STIM2: variants seen among roughly 807,000 people sequenced by gnomAD.
The protein encoded by STIM2 is stromal interaction molecule 2.
In STIM2, 31 loss-of-function variants were observed where a neutral mutation model predicts 85.8. The observed-to-expected ratio is 0.36, with a 90% CI of 0.27 to 0.49. The LOEUF (loss-of-function observed/expected upper bound fraction) is 0.49. Ranked by LOEUF, STIM2 falls within the 20% of genes least tolerant of loss-of-function variation. The pLI is 0.98. For missense variants in STIM2, 841 were observed against 927.6 expected, an observed-to-expected ratio of 0.91 and a Z score of 1.21; for synonymous variants, 356 against 331.1, an observed-to-expected ratio of 1.08 and a Z score of -0.82.
In STIM2 at chr4:26,861,213, G is replaced by A. The variant is rs1484999371; in HGVS notation, c.-6G>A. On this transcript the variant is annotated 5_prime_UTR_variant, in exon 1 of 12. Transcript: ENST00000467087. ...CTGGCTGCTGCGGCGGCGGCGCTGG[G>A]CTGCGTTGCTGGTGCTCGGGCTGCT... 1.0e-5 allele frequency: 15 copies of A among 1,479,432 alleles called. No individual in the cohort carries two copies. The highest frequency in any genetic ancestry group is 1.3e-5 in the South Asian group (1 of 78,780). 91.6% of individuals were successfully genotyped at this position (1,479,432 alleles called of 1,614,324 possible).
chr4:26,887,183 CTTTT>C (rs34736602), intron 1 of STIM2, among the ~76,000 whole-genome samples: 1 of 70,940 alleles, frequency 1.4e-5, no homozygotes. Context: ...AATAATTAAA[CTTTT>C]TTTTTTTTTT....
At chr4:26,978,080 T>A (rs765513434) in intron 3 of STIM2, among the ~76,000 whole-genome samples, 5 of 152,000 alleles carry the variant, frequency 3.3e-5, no homozygotes, top group Non-Finnish European at 5.9e-5. Context: ...GGAGTAGAAG[T>A]AAAAGTCTTT....
At chr4:26,975,242 C>T (rs1242764634) in intron 3 of STIM2, among the ~76,000 whole-genome samples, 1 of 152,186 alleles carries the variant, frequency 6.6e-6, no homozygotes, top group Non-Finnish European at 1.5e-5. Flanking sequence ...CTACTTCTGT[C>T]AACTTGTCAC....
chr4:26,976,187 G>A (rs902841275), intron 3 of STIM2, among the ~76,000 whole-genome samples: 1 of 151,944 alleles, frequency 6.6e-6, no homozygotes, highest in Non-Finnish European at 1.5e-5. Flanking sequence ...GAAATCCCCC[G>A]ACCCCTTGCA....
intron 1 of STIM2, among the ~76,000 whole-genome samples, chr4:26,871,662 T>C (rs1458461533): frequency 2.0e-5 from 3 of 152,248 alleles, no homozygotes; most frequent in East Asian, 1.9e-4. Flanking sequence ...CATAGCATCT[T>C]ATATCTTGAA....
At chr4:26,932,820 T>C (rs1725252202) in intron 2 of STIM2, among the ~76,000 whole-genome samples, 1 of 152,208 alleles carries the variant, frequency 6.6e-6, no homozygotes, top group South Asian at 2.1e-4. Flanking sequence ...TTCAGCAGTC[T>C]TTTATTGAGC....
chr4:26,988,266 A>G (rs745759815), intron 3 of STIM2, among the ~76,000 whole-genome samples: 1 of 152,222 alleles, frequency 6.6e-6, no homozygotes, highest in Non-Finnish European at 1.5e-5. Flanking sequence ...GATAAATCCT[A>G]TGGCAGATAT....
intron 2 of STIM2, among the ~76,000 whole-genome samples, chr4:26,940,751 A>C (rs1177260919): frequency 6.6e-6 from 1 of 152,098 alleles, no homozygotes; most frequent in African/African-American, 2.4e-5. Context: ...AGAACATAAT[A>C]TTTTGCTATT....
chr4:26,952,013 G>C (rs995964620), intron 2 of STIM2, among the ~76,000 whole-genome samples: 2 of 152,098 alleles, frequency 1.3e-5, no homozygotes, highest in Admixed American at 1.3e-4. Context: ...TTCAAAAGCA[G>C]AAACCCCTGA....
Position 27,007,680 on chromosome 4 carries a change from C to T in STIM2, c.1129C>T (p.Leu377=). 1.3e-6 allele frequency: 2 copies of T among 1,570,814 alleles called. No individual in the cohort carries two copies. The highest frequency in any genetic ancestry group is 1.7e-6 in the Non-Finnish European group (2 of 1,161,904). Residue 377 remains leucine (L), a synonymous_variant, in exon 8 of 12, where the codon CTA becomes TTA. Coordinates refer to ENST00000467087, the MANE Select transcript of STIM2 (RefSeq NM_020860.4). Reference sequence around the variant, plus strand: ...TAAAAGACAAAACGCTGAAATGCAGCTAGCTATTGCTAAAGATGAGGTACT... The same window carrying T: ...TAAAAGACAAAACGCTGAAATGCAGTTAGCTATTGCTAAAGATGAGGTACT...
intron 2 of STIM2, among the ~76,000 whole-genome samples, chr4:26,940,937 C>T (rs1264993268): frequency 1.3e-5 from 2 of 152,114 alleles, no homozygotes; most frequent in African/African-American, 4.8e-5. Context: ...CTAATAGATT[C>T]CCAGGCAGTG....
chr4:26,964,704 A>G (rs1194944540), intron 3 of STIM2, among the ~76,000 whole-genome samples: 1 of 152,160 alleles, frequency 6.6e-6, no homozygotes, highest in African/African-American at 2.4e-5. Context: ...CCCTTGTCCT[A>G]GGTACAAAAG....
At chr4:26,933,975 C>T (rs1245704056) in intron 2 of STIM2, among the ~76,000 whole-genome samples, 1 of 152,182 alleles carries the variant, frequency 6.6e-6, no homozygotes, top group Admixed American at 6.5e-5. Flanking sequence ...GAGAGGATCA[C>T]TTGAATTCAG....
chr4:26,897,566 G>T (rs557638742), intron 1 of STIM2, among the ~76,000 whole-genome samples: 12 of 152,002 alleles, frequency 7.9e-5, no homozygotes, highest in African/African-American at 2.4e-4. Context: ...TTGCTCTTTT[G>T]TTTCTTTTGA....
chr4:26,934,913 C>CAAAAAAAAAAAAAA (rs1160656482), intron 2 of STIM2, among the ~76,000 whole-genome samples: 3 of 57,602 alleles, frequency 5.2e-5, no homozygotes, highest in Admixed American at 2.0e-4. Context: ...AACTCCATCT[C>CAAAAAAAAAAAAAA]AAAAAAAAAA....
chr4:26,900,203 A>C (rs566568879), intron 1 of STIM2, among the ~76,000 whole-genome samples: 22 of 152,314 alleles, frequency 1.4e-4, no homozygotes, highest in African/African-American at 5.1e-4. Context: ...GCTAGTGTAC[A>C]GAACTGACCT....
chr4:26,967,913 C>T (rs995292230), intron 3 of STIM2, among the ~76,000 whole-genome samples: 2 of 151,982 alleles, frequency 1.3e-5, no homozygotes, highest in Non-Finnish European at 2.9e-5. Context: ...TGAAAAAACC[C>T]ATTAGATTTG....
At chr4:26,999,623 G>C (rs535162645) in intron 5 of STIM2, among the ~76,000 whole-genome samples, 21 of 152,208 alleles carry the variant, frequency 1.4e-4, no homozygotes, top group African/African-American at 4.6e-4. Context: ...TAAAACTTTG[G>C]ATCTTTGGAG....
intron 3 of STIM2, among the ~76,000 whole-genome samples, chr4:26,982,464 A>G (rs1364180932): frequency 6.6e-6 from 1 of 152,020 alleles, no homozygotes; most frequent in African/African-American, 2.4e-5. Context: ...TCCTTTTCTA[A>G]CTGGCTTCTA....
Sources: allele counts gnomAD v4.1 joint callset (sites outside exome capture counted in the v4.1 genomes callset), GRCh38; gene constraint gnomAD v4.1.1; transcripts MANE v1.5; gene names NCBI Gene and HGNC (gene_info 2026-07-23, HGNC 2026-07-21).